The following TBX22 variants were observed in gnomAD, a reference collection of about 807,000 sequenced individuals.
TBX22 encodes the protein T-box transcription factor TBX22.
TBX22 carries 8 observed loss-of-function variants against 30.1 expected under a neutral mutation model. That is an observed-to-expected ratio of 0.27 (90% CI 0.16 to 0.48). TBX22 has a LOEUF of 0.48. Ranked by LOEUF, TBX22 falls within the 20% of genes least tolerant of loss-of-function variation. TBX22 has a pLI of 0.99. For synonymous variants in TBX22, 173 were observed against 149.1 expected, an observed-to-expected ratio of 1.16 and a Z score of -1.17; for missense variants, 463 against 400.5, an observed-to-expected ratio of 1.16 and a Z score of -1.33.
chrX:80,017,732 G>A (rs1923516961), intron 1 of TBX22, among the ~76,000 whole-genome samples: 1 of 111,145 alleles, frequency 9.0e-6, no homozygotes, highest in Non-Finnish European at 1.9e-5. Flanking sequence ...AAATTTCCTA[G>A]GAAATTTTTA....
chrX:80,030,498 G>A lies in TBX22; in HGVS notation c.950G>A (p.Ser317Asn). Residue 317 changes from serine to asparagine, a missense_variant and splice_region_variant, in exon 9 of 9, where the codon AGT becomes AAT. Ser to Asn is a conservative substitution (Grantham distance 46). Transcript: ENST00000373296. ...TCATTGGCTGAATTGTCATTCACAGGTGGAAGCAGTGGCTCATCTCCAGTG... is the reference window on the plus strand; with the variant it reads ...TCATTGGCTGAATTGTCATTCACAGATGGAAGCAGTGGCTCATCTCCAGTG... ...DFKTFGADTQ[S>N]GSSGSSPVTS... 1 of 1,211,427 alleles carries A rather than the reference G, an allele frequency of 8.3e-7. No individual in the cohort carries two copies. The highest frequency in any genetic ancestry group is 1.1e-6 in the Non-Finnish European group (1 of 895,332).
intron 2 of TBX22, 84 bp downstream of exon 2, chrX:80,022,528 A>G (rs1367581061): frequency 3.0e-6 from 3 of 1,007,065 alleles, no homozygotes; most frequent in African/African-American, 3.8e-5. Flanking sequence ...CGACGCAGCC[A>G]GACAGCCACA....
chrX:80,015,388 G>A (rs991289572), intron 1 of TBX22, among the ~76,000 whole-genome samples: 6 of 111,901 alleles, frequency 5.4e-5, no homozygotes, highest in African/African-American at 2.0e-4. Context: ...CCTAGCCAAG[G>A]GCTCTAAGTA....
chrX:80,023,680 G>A (rs763826429), intron 3 of TBX22, among the ~76,000 whole-genome samples: 152 of 111,586 alleles, frequency 1.4e-3, no homozygotes, highest in African/African-American at 4.5e-3. Flanking sequence ...CCACTTCACT[G>A]CAGCTGGTTA....
Position 80,022,286 on chromosome X carries a change from G to C in TBX22, c.17G>C (p.Arg6Pro), listed in dbSNP as rs551664098. MALSS[R>P]ARAFSVEALV... ...CCTCCAGGGATGGCTCTGAGCTCTC[G>C]GGCGCGTGCCTTCTCCGTGGAAGCC... Residue 6 changes from arginine (R) to proline (P), a missense_variant, in exon 2 of 9, where the codon CGG (arginine) becomes CCG (proline). Physicochemically the swap from Arg to Pro is moderately radical, Grantham distance 103. Transcript: ENST00000373296. 1.1e-5 allele frequency: 13 copies of C among 1,208,951 alleles called. No homozygotes were observed. In the South Asian group the frequency reaches 1.8e-4, roughly 16 times the overall value.
intron 8 of TBX22, among the ~76,000 whole-genome samples, chrX:80,029,972 C>T (rs1186502663): frequency 9.0e-6 from 1 of 111,690 alleles, no homozygotes; most frequent in Non-Finnish European, 1.9e-5. Flanking sequence ...TGGTCCCCAA[C>T]CTTTTTGGTA....
intron 6 of TBX22, 141 bp from the exon 7 acceptor site, chrX:80,027,115 G>T (rs1256918674): frequency 3.4e-5 from 17 of 493,117 alleles, no homozygotes; most frequent in Non-Finnish European, 5.3e-5. Flanking sequence ...AATATGACTT[G>T]CAATATGGTT....
chrX:80,023,998 G>A, intron 3 of TBX22, 65 bp from the exon 4 acceptor site: 1 of 1,079,733 alleles, frequency 9.3e-7, no homozygotes, highest in Non-Finnish European at 1.3e-6. Flanking sequence ...CATTTGTCCA[G>A]AAACACTCCC....
rs1923933778 is a variant in TBX22 at position 80,025,639 on chromosome X, G to A, written c.495G>A (p.Gly165=). The change falls in exon 5 of 9, where the codon GGG becomes GGA. Residue 165 remains glycine, a synonymous_variant. Transcript: ENST00000373296. The part of the protein sequence containing the change: ...VYHSSQWMVA[G]NTDHLCIIPR... ...ACAGCTCACAGTGGATGGTAGCTGG[G>A]AATACAGACCATTTGTGCATCATTC... The A allele has an allele frequency of 1.7e-6, 2 of 1,208,140 alleles. No individual in the cohort carries two copies. Among genetic ancestry groups the A allele is most frequent in the Non-Finnish European group, 2.2e-6 (2 of 893,847 alleles).
chrX:80,025,826 T>C (rs752696388), intron 5 of TBX22, 49 bp downstream of exon 5: 8 of 1,102,218 alleles, frequency 7.3e-6, no homozygotes, highest in Middle Eastern at 2.7e-4. Flanking sequence ...CCAAGGCTCC[T>C]GCCCACTGGT....
intron 8 of TBX22, among the ~76,000 whole-genome samples, chrX:80,029,276 G>T (rs2147605117): frequency 8.9e-6 from 1 of 111,788 alleles, no homozygotes; most frequent in Non-Finnish European, 1.9e-5. Context: ...CACTAAAAAA[G>T]AAACAACTTG....
chrX:80,015,656 A>G (rs1451953500), intron 1 of TBX22, among the ~76,000 whole-genome samples: 1 of 111,814 alleles, frequency 8.9e-6, no homozygotes, highest in Non-Finnish European at 1.9e-5. Context: ...TACCACACAC[A>G]CACACATGCC....
intron 4 of TBX22, among the ~76,000 whole-genome samples, chrX:80,024,652 G>T (rs1264150712): frequency 8.9e-6 from 1 of 112,107 alleles, no homozygotes; most frequent in Non-Finnish European, 1.9e-5. Flanking sequence ...TCAGTCAAGC[G>T]TTCCTGTGTC....
intron 3 of TBX22, among the ~76,000 whole-genome samples, chrX:80,023,602 C>T (rs1351879403): frequency 9.0e-6 from 1 of 111,522 alleles, no homozygotes; most frequent in African/African-American, 3.3e-5. Flanking sequence ...GTTCCTCGCG[C>T]CCGCTAGACC....
rs372685905 is a variant in TBX22, at chrX:80,024,056, C to T, written c.357-7C>T. The T allele has an allele frequency of 4.1e-6, 5 of 1,207,174 alleles. No individual in the cohort carries two copies. In the African/African-American group the frequency reaches 7.0e-5, roughly 17 times the overall value. On this transcript the variant is annotated splice_region_variant and splice_polypyrimidine_tract_variant and intron_variant, in intron 3 of 8. Transcript: ENST00000373296. ...TCTTGGGTCAGTCCTTATTTTCTTT[C>T]TTACAGGCGGATGTTCCCCTCTGTT...
chrX:80,022,266 A>G lies in TBX22; in HGVS notation c.-2-2A>G, dbSNP rs1032841733. The G allele has an allele frequency of 8.3e-7, 1 of 1,209,366 alleles. No homozygotes were observed. The highest frequency in any genetic ancestry group is 1.1e-6 in the Non-Finnish European group (1 of 894,660). On this transcript the variant is annotated splice_acceptor_variant, in intron 1 of 8. Transcript: ENST00000373296. LOFTEE classifies it low-confidence loss of function (5UTR_SPLICE). Reference sequence around the variant, plus strand: ...TGCAAAGAATCCCTTCACCCCCTCCAGGGATGGCTCTGAGCTCTCGGGCGC... The same window carrying G: ...TGCAAAGAATCCCTTCACCCCCTCCGGGGATGGCTCTGAGCTCTCGGGCGC...
intron 1 of TBX22, 44 bp from the exon 2 acceptor site, chrX:80,022,224 T>C: frequency 8.4e-7 from 1 of 1,192,511 alleles, no homozygotes; most frequent in Non-Finnish European, 1.1e-6. Flanking sequence ...CTAACCCAGT[T>C]CAGGTTGAAA....
rs774836026 is a variant in TBX22 at position 80,026,772 on chromosome X, C to G, written c.702C>G (p.Asp234Glu). The G allele has an allele frequency of 8.3e-7, 1 of 1,210,862 alleles. No homozygotes were observed. Among genetic ancestry groups the G allele is most frequent in the South Asian group, 1.8e-5 (1 of 56,985 alleles). ...VHVIEQGSSVDLSQIQSLPTE... is the reference protein window; with the variant it reads ...VHVIEQGSSVELSQIQSLPTE... ...TGATAGAGCAAGGCAGCAGTGTTGA[C>G]CTGTCCCAGATTCAGTCCTTGCCCA... is the stretch of plus-strand genomic sequence containing the variant. The change falls in exon 6 of 9, where the codon GAC becomes GAG. Residue 234 changes from aspartate to glutamate, a missense_variant. By Grantham distance (45) the Asp-to-Glu change is conservative. Transcript: ENST00000373296.
chrX:80,024,548 T>TTCCCTTTTC (rs1923880953), intron 4 of TBX22, among the ~76,000 whole-genome samples: 1 of 110,955 alleles, frequency 9.0e-6, no homozygotes, highest in African/African-American at 3.3e-5. Context: ...CCCCAGGCTC[T>TTCCCTTTTC]ATGGGAGCCT....
Sources: allele counts gnomAD v4.1 joint callset (sites outside exome capture counted in the v4.1 genomes callset), GRCh38; gene constraint gnomAD v4.1.1; transcripts MANE v1.5; gene names NCBI Gene and HGNC (gene_info 2026-07-23, HGNC 2026-07-21).